SOX5: variants seen among roughly 807,000 people sequenced by gnomAD.
The protein encoded by SOX5 is transcription factor SOX-5.
Under a neutral mutation model 92.0 loss-of-function variants are expected in SOX5, and 9 were observed. That is an observed-to-expected ratio of 0.10 (90% CI 0.06 to 0.17). The LOEUF (loss-of-function observed/expected upper bound fraction) is 0.17, where lower values mean the gene tolerates loss of function less well. Ranked by LOEUF, SOX5 falls within the 10% of genes least tolerant of loss-of-function variation. SOX5 has a pLI of 1.00. For synonymous variants in SOX5, 344 were observed against 336.3 expected, an observed-to-expected ratio of 1.02 and a Z score of -0.25; for missense variants, 642 against 944.5, an observed-to-expected ratio of 0.68 and a Z score of 4.20.
intron 2 of SOX5, among the ~76,000 whole-genome samples, chr12:23,874,450 A>T (rs918138921): frequency 6.6e-6 from 1 of 152,170 alleles, no homozygotes; most frequent in Admixed American, 6.5e-5. Flanking sequence ...CTTTTGAGGG[A>T]AGCCCAATTA....
intron 8 of SOX5, among the ~76,000 whole-genome samples, chr12:23,612,189 A>G (rs1159144193): frequency 6.6e-6 from 1 of 152,038 alleles, no homozygotes; most frequent in African/African-American, 2.4e-5. Flanking sequence ...GTATGCCATA[A>G]ATGAATATCA....
In SOX5 at chr12:24,110,900, CAAAAAAAAAAAAAAA is replaced by C. The variant is rs67100585; in HGVS notation, c.-2+102428_-2+102442del. On this transcript the variant is annotated intron_variant, in intron 4 of 4. Coordinates refer to the SOX5 transcript ENST00000446891. ...TGGGCGACAGCGCGAGACTCCACTT[CAAAAAAAAAAAAAAA>C]AAAAAAAAAAAAAGAAGGTATGGAT... Among the ~76,000 whole-genome samples, 18 of 27,586 alleles carry C rather than the reference CAAAAAAAAAAAAAAA, an allele frequency of 6.5e-4. 1 individual carries two copies. The highest frequency in any genetic ancestry group is 1.3e-3 in the African/African-American group (13 of 10,306). The allele number at this position is 27,586 out of a possible 152,430, so 18.1% of individuals were successfully genotyped here. A position where few individuals can be genotyped will look rare whatever the true frequency, so the allele number is the denominator to read the frequency against.
At chr12:23,608,348 C>G (rs1173190676) in intron 8 of SOX5, among the ~76,000 whole-genome samples, 1 of 152,154 alleles carries the variant, frequency 6.6e-6, no homozygotes, top group Non-Finnish European at 1.5e-5. Flanking sequence ...TCACTACCCT[C>G]ATACCTGTAC....
intron 6 of SOX5, among the ~76,000 whole-genome samples, chr12:23,689,119 T>A (rs1487652095): frequency 6.6e-6 from 1 of 152,128 alleles, no homozygotes; most frequent in Non-Finnish European, 1.5e-5. Context: ...AATATCAATT[T>A]TTTTAGGCCA....
intron 4 of SOX5, among the ~76,000 whole-genome samples, chr12:23,969,546 G>A (rs751790471): frequency 6.6e-6 from 1 of 152,140 alleles, no homozygotes; most frequent in African/African-American, 2.4e-5. Flanking sequence ...GCTAAACTAA[G>A]GCTTTTGTCC....
intron 1 of SOX5, among the ~76,000 whole-genome samples, chr12:24,536,688 C>T (rs1163630059): frequency 6.6e-6 from 1 of 152,134 alleles, no homozygotes; most frequent in Non-Finnish European, 1.5e-5. Context: ...CATTACAATC[C>T]TAGCACCAGT....
intron 2 of SOX5, among the ~76,000 whole-genome samples, chr12:23,859,816 G>C (rs1323055977): frequency 1.3e-5 from 2 of 152,050 alleles, no homozygotes; most frequent in African/African-American, 4.8e-5. Context: ...CCGACACTTA[G>C]GGAAAATAGA....
intron 1 of SOX5, among the ~76,000 whole-genome samples, chr12:24,496,460 T>A (rs1303706432): frequency 6.6e-6 from 1 of 152,152 alleles, no homozygotes; most frequent in Non-Finnish European, 1.5e-5. Flanking sequence ...AACTTCACTC[T>A]TAGGTCTAAG....
chr12:23,892,344 T>C (rs2097137450), intron 2 of SOX5, among the ~76,000 whole-genome samples: 1 of 152,180 alleles, frequency 6.6e-6, no homozygotes, highest in Non-Finnish European at 1.5e-5. Context: ...GGCCATCTGG[T>C]ATGCTCATGA....
intron 2 of SOX5, among the ~76,000 whole-genome samples, chr12:24,284,625 C>T (rs1945631663): frequency 6.6e-6 from 1 of 152,160 alleles, no homozygotes; most frequent in African/African-American, 2.4e-5. Flanking sequence ...CTGCCTCAGG[C>T]AGCAGACTCT....
intron 6 of SOX5, among the ~76,000 whole-genome samples, chr12:23,710,530 G>A (rs947957179): frequency 6.6e-6 from 1 of 152,072 alleles, no homozygotes. Context: ...TGAGAATGAT[G>A]GTTTCCAGCT....
chr12:24,452,674 G>T (rs1202668984), intron 1 of SOX5, among the ~76,000 whole-genome samples: 1 of 152,210 alleles, frequency 6.6e-6, no homozygotes, highest in South Asian at 2.1e-4. Context: ...GAAATTGATG[G>T]GTTAGAGGGC....
intron 4 of SOX5, among the ~76,000 whole-genome samples, chr12:24,205,866 G>A (rs889936937): frequency 1.2e-4 from 18 of 152,146 alleles, no homozygotes; most frequent in Admixed American, 7.9e-4. Flanking sequence ...GCTTTTAAAA[G>A]ACTGAAATTT....
chr12:24,010,048 C>A (rs747651462), intron 4 of SOX5, among the ~76,000 whole-genome samples: 1 of 152,156 alleles, frequency 6.6e-6, no homozygotes, highest in Non-Finnish European at 1.5e-5. Context: ...CTAGTCCAAG[C>A]TTTGGATTCA....
intron 4 of SOX5, among the ~76,000 whole-genome samples, chr12:24,101,399 A>G (rs762240629): frequency 6.6e-6 from 1 of 152,146 alleles, no homozygotes; most frequent in Non-Finnish European, 1.5e-5. Flanking sequence ...AACCTTTAGA[A>G]GCTCTATCCT....
chr12:24,162,734 C>T (rs149222187), intron 4 of SOX5, among the ~76,000 whole-genome samples: 3 of 152,158 alleles, frequency 2.0e-5, no homozygotes, highest in African/African-American at 7.2e-5. Context: ...TTTTTTTACT[C>T]CCCTTTTCTC....
intron 6 of SOX5, among the ~76,000 whole-genome samples, chr12:23,713,749 G>A (rs571602363): frequency 7.3e-4 from 107 of 145,818 alleles, no homozygotes; most frequent in African/African-American, 2.5e-3. Context: ...ACATATATAT[G>A]CGTGTGTGTA....
intron 3 of SOX5, among the ~76,000 whole-genome samples, chr12:24,272,973 C>T (rs1595034691): frequency 2.0e-5 from 3 of 152,186 alleles, no homozygotes; most frequent in East Asian, 3.9e-4. Flanking sequence ...TGGCTCACGC[C>T]GGTAATCCCA....
chr12:23,802,635 C>T (rs1292023820), intron 3 of SOX5, among the ~76,000 whole-genome samples: 5 of 152,090 alleles, frequency 3.3e-5, no homozygotes, highest in Admixed American at 1.3e-4. Context: ...AAAAAATCTA[C>T]CTTAACCTTT....
Sources: gnomAD v4.1 joint callset for allele counts (sites outside exome capture counted in the v4.1 genomes callset) on GRCh38, gnomAD v4.1.1 for gene constraint, MANE v1.5 for transcripts, NCBI Gene and HGNC (gene_info 2026-07-23, HGNC 2026-07-21) for gene names.